Variants in TCF25 observed in about 807,000 individuals in gnomAD.
The protein encoded by TCF25 is ribosome quality control complex subunit TCF25.
In TCF25, 41 loss-of-function variants were observed where a neutral mutation model predicts 83.1. The observed-to-expected ratio is 0.49, with a 90% confidence interval of 0.38 to 0.64. The LOEUF is 0.64. Among genes scored for constraint, TCF25 ranks in the 30% least tolerant of loss-of-function variants. The pLI is 0.00. For synonymous variants in TCF25, 458 were observed against 365.0 expected (o/e 1.25, Z -2.90); for missense variants, 979 against 914.5 (o/e 1.07, Z -0.91).
intron 1 of TCF25, among the ~76,000 whole-genome samples, chr16:89,875,419 A>G (rs975387980): frequency 1.3e-5 from 2 of 148,710 alleles, no homozygotes; most frequent in Non-Finnish European, 3.0e-5. Flanking sequence ...TAACTTCTTT[A>G]ATTTCTGCGT....
At position 89,873,820 on chromosome 16, in the gene TCF25, A is replaced by G. The variant is rs560994628; in HGVS notation, c.153A>G (p.Ala51=). 3.9e-6 allele frequency: 6 copies of G among 1,527,018 alleles called. No homozygotes were observed. In the African/African-American group the frequency reaches 5.8e-5, roughly 15 times the overall value. The allele number at this position is 1,527,018 out of a possible 1,614,324, so 94.6% of individuals were successfully genotyped here. A position where few individuals can be genotyped will look rare whatever the true frequency, so the allele number is the denominator to read the frequency against. ...TTGGTGTCCGGCGTCCCGGGGGCGC[A>G]GGGAAGGAGGGCGTCCGAGTCAACA... ...RELGVRRPGG[A]GKEGVRVNNR... The change falls in exon 1 of 18, where the codon GCA becomes GCG. Residue 51 remains alanine (A), a synonymous_variant. Transcript: ENST00000263346.
chr16:89,909,367 T>C (rs943284103), intron 16 of TCF25: 1 of 338,558 alleles, frequency 3.0e-6, no homozygotes, highest in African/African-American at 2.2e-5. Context: ...AAAAATTAGC[T>C]GGGCGTGGTG....
intron 9 of TCF25, among the ~76,000 whole-genome samples, chr16:89,897,921 G>A (rs1186553080): frequency 6.6e-6 from 1 of 152,140 alleles, no homozygotes; most frequent in Non-Finnish European, 1.5e-5. Flanking sequence ...CGAGACCACG[G>A]TGAAACCCCG....
At position 89,901,383 on chromosome 16, in the gene TCF25, G is replaced by T. The variant is rs530983194; in HGVS notation, c.1381+589G>T. Among the ~76,000 whole-genome samples, 30 of 151,930 alleles carry T rather than the reference G, an allele frequency of 2.0e-4. No homozygotes were observed. In the East Asian group the frequency reaches 5.6e-3, roughly 28 times the overall value. ...CCTCCGAGGAGCTGTGAGGGGTGAG[G>T]GTGAAATCCCTCCTTAAGACGAGCC... On this transcript the variant is annotated intron_variant, in intron 12 of 17. Transcript: ENST00000263346.
chr16:89,874,280 C>T (rs1226052926), intron 1 of TCF25, among the ~76,000 whole-genome samples: 1 of 131,714 alleles, frequency 7.6e-6, no homozygotes, highest in African/African-American at 3.0e-5. Flanking sequence ...ACGTGGCTGT[C>T]GTGGGGCCGT....
chr16:89,877,240 A>G (rs953873237), intron 1 of TCF25, among the ~76,000 whole-genome samples: 8 of 152,020 alleles, frequency 5.3e-5, no homozygotes, highest in Non-Finnish European at 1.2e-4. Flanking sequence ...GTCTCGCTCT[A>G]TTGCCCAGGC....
At chr16:89,881,848 G>A (rs1222949096) in intron 1 of TCF25, among the ~76,000 whole-genome samples, 8 of 152,148 alleles carry the variant, frequency 5.3e-5, no homozygotes, top group Middle Eastern at 3.4e-3. Flanking sequence ...TCTGCCTCCC[G>A]GATTCAAGCA....
At chr16:89,894,360 C>T (rs1431469482) in intron 7 of TCF25, among the ~76,000 whole-genome samples, 1 of 151,014 alleles carries the variant, frequency 6.6e-6, no homozygotes, top group Non-Finnish European at 1.5e-5. Flanking sequence ...CCCTTGCAGC[C>T]CCGGACGGCC....
chr16:89,909,773 G>A (rs922583422), intron 16 of TCF25: 2 of 152,458 alleles, frequency 1.3e-5, no homozygotes, highest in Non-Finnish European at 2.9e-5. Context: ...ACCAGGCTCA[G>A]GGGAGAGGGT....
At chr16:89,898,460 G>T in intron 9 of TCF25, 97 bp from the exon 10 acceptor site, 1 of 1,247,178 alleles carries the variant, frequency 8.0e-7, no homozygotes, top group Non-Finnish European at 1.2e-6. Flanking sequence ...AGGACGCTGA[G>T]CAGAGGGCGG....
intron 9 of TCF25, 49 bp downstream of exon 9, chr16:89,896,132 G>A: frequency 4.4e-6 from 7 of 1,574,776 alleles, no homozygotes; most frequent in Non-Finnish European, 6.1e-6. Flanking sequence ...CCCTTCTCCT[G>A]CGAGTGAGGC....
At chr16:89,885,043 C>A (rs1567702604) in intron 3 of TCF25, among the ~76,000 whole-genome samples, 13 of 81,278 alleles carry the variant, frequency 1.6e-4, no homozygotes, top group African/African-American at 7.9e-4. Context: ...CTGCCTGACG[C>A]CCCTCTCCCT....
chr16:89,892,421 G>T (rs1418598453), intron 6 of TCF25, 146 bp downstream of exon 6: 3 of 918,334 alleles, frequency 3.3e-6, no homozygotes, highest in Admixed American at 5.2e-5. Context: ...ACTGGCCTGC[G>T]CTGGGCACCA....
chr16:89,881,646 T>A (rs902342308), intron 1 of TCF25, among the ~76,000 whole-genome samples: 3 of 152,096 alleles, frequency 2.0e-5, no homozygotes, highest in African/African-American at 7.2e-5. Context: ...GGTCTCACTG[T>A]ATTGCCTAGG....
intron 6 of TCF25, among the ~76,000 whole-genome samples, chr16:89,893,002 G>A (rs1263541823): frequency 6.6e-6 from 1 of 152,232 alleles, no homozygotes. Flanking sequence ...ACATCTAGGA[G>A]CGAGGCCTGT....
At chr16:89,901,299 A>G (rs2044303574) in intron 12 of TCF25, among the ~76,000 whole-genome samples, 1 of 152,238 alleles carries the variant, frequency 6.6e-6, no homozygotes, top group Non-Finnish European at 1.5e-5. Context: ...CCACCTGGTC[A>G]GACCTCGGGG....
intron 5 of TCF25, chr16:89,890,208 C>T (rs147822038): frequency 6.6e-6 from 1 of 152,504 alleles, no homozygotes; most frequent in African/African-American, 2.4e-5. Flanking sequence ...GCCACCACAC[C>T]CAGCCTAAGT....
chr16:89,901,371 G>A (rs1016652076), intron 12 of TCF25, among the ~76,000 whole-genome samples: 1 of 151,870 alleles, frequency 6.6e-6, no homozygotes, highest in Non-Finnish European at 1.5e-5. Flanking sequence ...CCGAGGAGCT[G>A]TGAGGGGTGA....
In TCF25 at chr16:89,904,160, C is replaced by G; in HGVS notation, c.1424C>G (p.Ala475Gly). The G allele has an allele frequency of 1.9e-6, 3 of 1,603,726 alleles. No homozygotes were observed. Among genetic ancestry groups the G allele is most frequent in the South Asian group, 2.2e-5 (2 of 88,904 alleles). The change falls in exon 13 of 18, where the codon GCC (alanine) becomes GGC (glycine). Residue 475 changes from alanine to glycine, a missense_variant. Physicochemically the swap from Ala to Gly is moderately conservative, Grantham distance 60. Transcript: ENST00000263346. ...GAGTCTTGCAGTGTGCGGCCCGACG[C>G]CAGCGTTTCCAGTCACCGCTTCTTT... ...LLESCSVRPD[A>G]SVSSHRFFGP...
Sources: allele counts gnomAD v4.1 joint callset (sites outside exome capture counted in the v4.1 genomes callset), GRCh38; gene constraint gnomAD v4.1.1; transcripts MANE v1.5; gene names NCBI Gene and HGNC (gene_info 2026-07-23, HGNC 2026-07-21).